The following ARK2N variants were observed in gnomAD, a reference collection of about 807,000 sequenced individuals.
ARK2N encodes protein ARK2N.
At chr18:46,177,997 A>G in the ARK2N span, among the ~76,000 whole-genome samples, 1,609 of 152,312 alleles carry the variant, frequency 0.011, 36 homozygotes, top group African/African-American at 0.036. Context: ...TGCAGGAACT[A>G]TAGTGGTGAA....
the ARK2N span, chr18:46,216,287 T>C: frequency 6.2e-7 from 1 of 1,613,582 alleles, no homozygotes; most frequent in Non-Finnish European, 8.5e-7. This position sits in a 1 kb window ranked among gnomAD's most constrained non-coding sequence, Gnocchi z 4.3. Flanking sequence ...GGTGCCACAG[T>C]TGGGCGCAAG....
the ARK2N span, among the ~76,000 whole-genome samples, chr18:46,185,558 A>G: frequency 6.6e-6 from 1 of 152,154 alleles, no homozygotes; most frequent in East Asian, 2.0e-4. Context: ...TTTTTGTGAC[A>G]ATTGCTAAAG....
At chr18:46,175,154 A>G in the ARK2N span, among the ~76,000 whole-genome samples, 1 of 148,390 alleles carries the variant, frequency 6.7e-6, no homozygotes, top group African/African-American at 2.5e-5. Flanking sequence ...CCCCATCACA[A>G]AATTGATGCT....
At chr18:46,205,978 C>G in the ARK2N span, among the ~76,000 whole-genome samples, 1 of 152,162 alleles carries the variant, frequency 6.6e-6, no homozygotes, top group Non-Finnish European at 1.5e-5. Context: ...TACCCTCCCA[C>G]CTCTGCCTCC....
the ARK2N span, among the ~76,000 whole-genome samples, chr18:46,188,323 C>T: frequency 6.6e-6 from 1 of 152,124 alleles, no homozygotes; most frequent in South Asian, 2.1e-4. Context: ...GTCTCAGCCT[C>T]CGGAGCAGCT....
the ARK2N span, among the ~76,000 whole-genome samples, chr18:46,181,275 G>GA: frequency 6.6e-6 from 1 of 151,824 alleles, no homozygotes; most frequent in Non-Finnish European, 1.5e-5. Flanking sequence ...GGTGGGGGGG[G>GA]AAATGTCGTT....
the ARK2N span, among the ~76,000 whole-genome samples, chr18:46,260,490 T>A: frequency 1.3e-5 from 2 of 152,228 alleles, no homozygotes; most frequent in African/African-American, 4.8e-5. Context: ...TAATAAATTC[T>A]CTTCATTGTT....
At chr18:46,227,853 C>T in the ARK2N span, among the ~76,000 whole-genome samples, 1 of 152,186 alleles carries the variant, frequency 6.6e-6, no homozygotes, top group Non-Finnish European at 1.5e-5. Flanking sequence ...CTGCCTCAGC[C>T]TCCCAAAGTG....
At chr18:46,193,660 G>A in the ARK2N span, among the ~76,000 whole-genome samples, 1 of 145,344 alleles carries the variant, frequency 6.9e-6, no homozygotes, top group East Asian at 2.1e-4. Context: ...GTGCAGTGGT[G>A]CAGTCTCAGC....
the ARK2N span, among the ~76,000 whole-genome samples, chr18:46,196,844 G>A: frequency 6.6e-6 from 1 of 152,204 alleles, no homozygotes; most frequent in South Asian, 2.1e-4. Flanking sequence ...TGGCTGGCAA[G>A]ATAGTATTGG....
the ARK2N span, among the ~76,000 whole-genome samples, chr18:46,209,290 C>CTTT: frequency 6.1e-3 from 848 of 138,638 alleles, 14 homozygotes; most frequent in African/African-American, 0.021. Flanking sequence ...TACTTCTCCA[C>CTTT]TTTTTTTTTT....
At chr18:46,201,734 A>G in the ARK2N span, among the ~76,000 whole-genome samples, 7 of 149,700 alleles carry the variant, frequency 4.7e-5, no homozygotes, top group African/African-American at 9.8e-5. Flanking sequence ...GAGAGTCCCA[A>G]CTCATGGCAG....
At chr18:46,252,664 A>G in the ARK2N span, among the ~76,000 whole-genome samples, 1 of 152,328 alleles carries the variant, frequency 6.6e-6, no homozygotes, top group African/African-American at 2.4e-5. Context: ...ATATATTTAA[A>G]TAAAAATACC....
At chr18:46,233,720 T>C in the ARK2N span, among the ~76,000 whole-genome samples, 14 of 152,214 alleles carry the variant, frequency 9.2e-5, no homozygotes, top group Admixed American at 8.5e-4. Context: ...GATGTAACAT[T>C]TACCAGTATA....
chr18:46,201,803 A>T, the ARK2N span, among the ~76,000 whole-genome samples: 1 of 144,034 alleles, frequency 6.9e-6, no homozygotes, highest in Non-Finnish European at 1.5e-5. Context: ...TTTAAGACCG[A>T]GTCTCACTCT....
the ARK2N span, among the ~76,000 whole-genome samples, chr18:46,199,598 A>C: frequency 7.4e-5 from 11 of 149,450 alleles, no homozygotes; most frequent in African/African-American, 2.7e-4. Flanking sequence ...AAATGCTGTG[A>C]TTACACTTTC....
chr18:46,227,661 G>A, the ARK2N span, among the ~76,000 whole-genome samples: 3 of 151,850 alleles, frequency 2.0e-5, no homozygotes, highest in African/African-American at 2.4e-5. Context: ...GCAATGGCAC[G>A]AACCCGACTC....
chr18:46,189,631 A>C, the ARK2N span, among the ~76,000 whole-genome samples: 7 of 152,042 alleles, frequency 4.6e-5, no homozygotes, highest in Non-Finnish European at 8.8e-5. Context: ...TCATGTCTGT[A>C]ATCCCTGTAG....
chr18:46,212,270 T>C, the ARK2N span, among the ~76,000 whole-genome samples: 1 of 152,196 alleles, frequency 6.6e-6, no homozygotes, highest in African/African-American at 2.4e-5. Flanking sequence ...GAATAGATAA[T>C]GTTTGTATAC....
Sources: allele counts gnomAD v4.1 joint callset (sites outside exome capture counted in the v4.1 genomes callset), GRCh38; gene constraint gnomAD v4.1.1; non-coding constraint Gnocchi (gnomAD v3.1); transcripts MANE v1.5; gene names NCBI Gene and HGNC (gene_info 2026-07-23, HGNC 2026-07-21).